R3HDM2: variants seen among roughly 807,000 people sequenced by gnomAD.
R3HDM2 encodes the protein R3H domain containing 2.
R3HDM2 carries 38 observed loss-of-function variants against 124.5 expected under a neutral mutation model. That is an observed-to-expected ratio of 0.31 (90% CI 0.24 to 0.40). R3HDM2 has a LOEUF of 0.40. R3HDM2 is among the 10% of genes least tolerant of loss of function. The probability of loss-of-function intolerance (pLI) is 1.00; values close to 1 mark genes in which losing one functional copy is unlikely to be tolerated. For missense variants in R3HDM2, 869 were observed against 1,236.9 expected (o/e 0.70, Z 4.46); for synonymous variants, 391 against 448.0 (o/e 0.87, Z 1.61).
At chr12:57,312,143 C>T (rs895066743) in intron 2 of R3HDM2, among the ~76,000 whole-genome samples, 20 of 152,116 alleles carry the variant, frequency 1.3e-4, no homozygotes, top group Non-Finnish European at 8.8e-5. Flanking sequence ...AATAAACAGA[C>T]AAATGGATAG....
intron 12 of R3HDM2, among the ~76,000 whole-genome samples, chr12:57,284,777 G>A (rs1488211434): frequency 2.6e-5 from 4 of 152,234 alleles, no homozygotes; most frequent in Non-Finnish European, 5.9e-5. Flanking sequence ...GGTTGACTGT[G>A]CCTAGTTGCC....
intron 2 of R3HDM2, among the ~76,000 whole-genome samples, chr12:57,360,034 T>TATATATATAC (rs2061720768): frequency 3.6e-5 from 3 of 83,836 alleles, no homozygotes; most frequent in Non-Finnish European, 7.0e-5. Flanking sequence ...CACACATATA[T>TATATATATAC]ATATATATAT....
intron 2 of R3HDM2, among the ~76,000 whole-genome samples, chr12:57,347,329 A>G (rs1215125067): frequency 6.6e-6 from 1 of 152,204 alleles, no homozygotes; most frequent in Non-Finnish European, 1.5e-5. Flanking sequence ...ATGTGTGTAT[A>G]TGTGTGCATA....
At chr12:57,416,953 T>C (rs887346765) in intron 1 of R3HDM2, among the ~76,000 whole-genome samples, 8 of 149,898 alleles carry the variant, frequency 5.3e-5, no homozygotes, top group Non-Finnish European at 1.0e-4. Context: ...CTACTAAAAA[T>C]ACAAATTAGC....
intron 2 of R3HDM2, among the ~76,000 whole-genome samples, chr12:57,375,880 GCCAGGATGGTCTCGATCTCC>G (rs1355841007): frequency 1.2e-4 from 19 of 152,058 alleles, no homozygotes; most frequent in Non-Finnish European, 2.6e-4. Context: ...CACTATGTTA[GCCAGGATGGTCTCGATCTCC>G]TGACCTCGTG....
At chr12:57,271,984 T>TCTCAG (rs1435461814) in intron 14 of R3HDM2, among the ~76,000 whole-genome samples, 1 of 151,552 alleles carries the variant, frequency 6.6e-6, no homozygotes, top group Non-Finnish European at 1.5e-5. Flanking sequence ...AACCTCAGCC[T>TCTCAG]CTCAGGTTCA....
At chr12:57,265,367 T>C (rs1426731510) in intron 19 of R3HDM2, among the ~76,000 whole-genome samples, 2 of 152,156 alleles carry the variant, frequency 1.3e-5, no homozygotes, top group Non-Finnish European at 2.9e-5. Flanking sequence ...ATCTAAGCTC[T>C]AAGTTAAAAA....
At chr12:57,324,306 C>T (rs2136375969) in intron 2 of R3HDM2, among the ~76,000 whole-genome samples, 1 of 152,306 alleles carries the variant, frequency 6.6e-6, no homozygotes, top group East Asian at 1.9e-4. Flanking sequence ...GCCTCAGCCT[C>T]CCCAGTAGCT....
intron 1 of R3HDM2, among the ~76,000 whole-genome samples, chr12:57,429,969 A>G (rs1869323437): frequency 6.6e-6 from 1 of 152,134 alleles, no homozygotes; most frequent in Admixed American, 6.6e-5. Flanking sequence ...AGGCTTCTCA[A>G]TCTTAGTTAT....
intron 2 of R3HDM2, among the ~76,000 whole-genome samples, chr12:57,341,667 A>G (rs2059577237): frequency 6.6e-6 from 1 of 152,218 alleles, no homozygotes; most frequent in Non-Finnish European, 1.5e-5. Context: ...TTCATAATCA[A>G]AAAATCTCCC....
In R3HDM2 at chr12:57,256,560, T is replaced by C. The variant is rs780784058; in HGVS notation, c.2450-49A>G. The stretch of plus-strand genomic sequence containing the variant: ...TTCTGGGAGCTTAAGCTTCATAGTA[T>C]GACTTTTATAAGACTTCAAGGGGCT... On this transcript the variant is annotated intron_variant, in intron 21 of 23. Coordinates refer to ENST00000402412, the MANE Select transcript of R3HDM2 (RefSeq NM_001394031.1). 11 of 1,398,874 alleles carry C rather than the reference T, an allele frequency of 7.9e-6. No homozygotes were observed. The East Asian group carries it at 2.7e-4, about 35-fold the overall frequency. 86.7% of individuals were successfully genotyped at this position (1,398,874 alleles called of 1,614,324 possible).
chr12:57,378,060 C>G (rs1254680573), intron 2 of R3HDM2, among the ~76,000 whole-genome samples: 1 of 152,154 alleles, frequency 6.6e-6, no homozygotes, highest in Non-Finnish European at 1.5e-5. Flanking sequence ...GATCATGCCA[C>G]TGCACTCCAG....
At chr12:57,424,951 C>A (rs1027634564) in intron 1 of R3HDM2, among the ~76,000 whole-genome samples, 1 of 152,186 alleles carries the variant, frequency 6.6e-6, no homozygotes, top group South Asian at 2.1e-4. Context: ...CAAAGTGAGA[C>A]TCCGTCTCAA....
Position 57,258,219 on chromosome 12 carries a change from T to G in R3HDM2, c.2302-82A>C, listed in dbSNP as rs2039633789. 11 of 1,247,360 alleles carry G rather than the reference T, an allele frequency of 8.8e-6. No homozygotes were observed. In the South Asian group the frequency reaches 3.1e-4, roughly 35 times the overall value. The allele number at this position is 1,247,360 out of a possible 1,614,324, so 77.3% of individuals were successfully genotyped here. On this transcript the variant is annotated intron_variant, in intron 20 of 23. Coordinates refer to ENST00000402412, the MANE Select transcript of R3HDM2 (RefSeq NM_001394031.1). ...CCTATGGCTTGGCTTAAAATTCACCTCTCTCAGGAAATAAGTTTCTCTTGC... is the reference window on the plus strand; with the variant it reads ...CCTATGGCTTGGCTTAAAATTCACCGCTCTCAGGAAATAAGTTTCTCTTGC...
chr12:57,344,228 G>T (rs766281721), intron 2 of R3HDM2, among the ~76,000 whole-genome samples: 1 of 152,154 alleles, frequency 6.6e-6, no homozygotes, highest in Non-Finnish European at 1.5e-5. Context: ...GTGGGTAGGT[G>T]ATATACATGC....
intron 2 of R3HDM2, among the ~76,000 whole-genome samples, chr12:57,368,334 C>T (rs926472007): frequency 2.0e-5 from 3 of 152,186 alleles, no homozygotes; most frequent in Admixed American, 6.5e-5. Flanking sequence ...TCAACTAGCA[C>T]GGTATGTAGT....
chr12:57,405,348 A>C (rs1245411939), intron 1 of R3HDM2, among the ~76,000 whole-genome samples: 2 of 152,204 alleles, frequency 1.3e-5, no homozygotes, highest in Admixed American at 6.6e-5. Flanking sequence ...TGTTAAAGGA[A>C]AACCTACTGG....
At chr12:57,354,043 AG>A (rs2060966719) in intron 2 of R3HDM2, among the ~76,000 whole-genome samples, 1 of 151,832 alleles carries the variant, frequency 6.6e-6, no homozygotes. Context: ...TAGTAGAGAC[AG>A]GGTTTCACCA....
intron 2 of R3HDM2, among the ~76,000 whole-genome samples, chr12:57,333,625 GA>G (rs1157052052): frequency 6.6e-6 from 1 of 152,216 alleles, no homozygotes; most frequent in Non-Finnish European, 1.5e-5. Context: ...CTGGGAGGCA[GA>G]GGTTGCAGTG....
Sources: allele counts gnomAD v4.1 joint callset (sites outside exome capture counted in the v4.1 genomes callset), GRCh38; gene constraint gnomAD v4.1.1; transcripts MANE v1.5; gene names NCBI Gene and HGNC (gene_info 2026-07-23, HGNC 2026-07-21).